RHBDD1: variants seen among roughly 807,000 people sequenced by gnomAD.
RHBDD1 encodes the protein rhomboid domain containing 1.
A neutral mutation model predicts 36.3 loss-of-function variants in RHBDD1; 38 were observed. The ratio of observed to expected loss-of-function variants is 1.05; its 90% CI spans 0.81 to 1.37. RHBDD1 has a LOEUF of 1.37. RHBDD1 is among the 40% of genes most tolerant of loss of function. RHBDD1 has a pLI of 0.00. For synonymous variants in RHBDD1, 151 were observed against 136.5 expected, an observed-to-expected ratio of 1.11 and a Z score of -0.74; for missense variants, 393 against 377.6, an observed-to-expected ratio of 1.04 and a Z score of -0.34.
At chr2:226,811,784 A>G in the RHBDD1 span, among the ~76,000 whole-genome samples, 1 of 152,258 alleles carries the variant, frequency 6.6e-6, no homozygotes, top group Non-Finnish European at 1.5e-5. Context: ...AAGTAGGAGT[A>G]GCCATAAGTC....
chr2:226,921,454 A>G (rs1949308511), intron 8 of RHBDD1, among the ~76,000 whole-genome samples: 1 of 151,956 alleles, frequency 6.6e-6, no homozygotes, highest in Admixed American at 6.6e-5. Context: ...TCTACCTTTT[A>G]GATACAGGCG....
the RHBDD1 span, among the ~76,000 whole-genome samples, chr2:226,822,205 C>G: frequency 6.6e-6 from 1 of 152,226 alleles, no homozygotes; most frequent in Non-Finnish European, 1.5e-5. Context: ...CCTGACTCTT[C>G]TAGTCCCACT....
the RHBDD1 span, among the ~76,000 whole-genome samples, chr2:226,816,634 G>A: frequency 3.5e-4 from 53 of 152,258 alleles, no homozygotes; most frequent in East Asian, 7.7e-3. Context: ...AGTGGCTCAC[G>A]CCTGTAATCC....
At chr2:226,954,112 G>C (rs563930612) in intron 8 of RHBDD1, among the ~76,000 whole-genome samples, 20 of 152,260 alleles carry the variant, frequency 1.3e-4, no homozygotes, top group Admixed American at 1.2e-3. Context: ...TGTGCTGAGA[G>C]GATGGCAAAT....
At chr2:226,953,161 G>A (rs761624501) in intron 8 of RHBDD1, among the ~76,000 whole-genome samples, 1 of 152,110 alleles carries the variant, frequency 6.6e-6, no homozygotes, top group South Asian at 2.1e-4. Flanking sequence ...AATGATTACT[G>A]CTTGTGTTCC....
rs147902814 is a variant in RHBDD1, at chr2:226,935,909, A to G, written c.856+21558A>G. Among the ~76,000 whole-genome samples, 329 of 152,316 alleles carry G rather than the reference A, an allele frequency of 2.2e-3. 1 individual carries two copies. The highest frequency in any genetic ancestry group is 7.3e-3 in the African/African-American group (304 of 41,584). Reference sequence around the variant, plus strand: ...TGATTATACAAGCCTTTATTGGCCCAGTGCAGGCATAATGCAATTGGCAAT... The same window carrying G: ...TGATTATACAAGCCTTTATTGGCCCGGTGCAGGCATAATGCAATTGGCAAT... On this transcript the variant is annotated intron_variant, in intron 8 of 8. Transcript: ENST00000392062.
At chr2:226,804,646 A>G in the RHBDD1 span, 1 of 152,234 alleles carries the variant, frequency 6.6e-6, no homozygotes, top group African/African-American at 2.4e-5. Flanking sequence ...CTAACATGGG[A>G]TTTTGGAAAG....
intron 5 of RHBDD1, among the ~76,000 whole-genome samples, chr2:226,888,245 C>G (rs1451025197): frequency 6.6e-6 from 1 of 152,108 alleles, no homozygotes; most frequent in African/African-American, 2.4e-5. Context: ...GGATCATAAG[C>G]CCTCGACAAA....
rs1008177423 is a variant in RHBDD1, at chr2:226,895,653, C to T, written c.567-11140C>T. On this transcript the variant is annotated intron_variant, in intron 5 of 8. Transcript: ENST00000392062. ...CTTTTATTTAATTTAGGACAACCTG[C>T]CATTTTGTTCTGAAGATTTGAATAG... 12 of 984,844 alleles carry T rather than the reference C, an allele frequency of 1.2e-5. No homozygotes were observed. In the African/African-American group the frequency reaches 2.1e-4, roughly 17 times the overall value. The allele number at this position is 984,844 out of a possible 1,614,324, so 61.0% of individuals were successfully genotyped here.
At chr2:226,941,572 C>A (rs923841104) in intron 8 of RHBDD1, among the ~76,000 whole-genome samples, 4 of 152,190 alleles carry the variant, frequency 2.6e-5, no homozygotes, top group Admixed American at 2.6e-4. Context: ...TCCAAGTAGT[C>A]CCAAGGTGGA....
chr2:226,819,529 C>T, the RHBDD1 span, among the ~76,000 whole-genome samples: 1 of 152,124 alleles, frequency 6.6e-6, no homozygotes, highest in Non-Finnish European at 1.5e-5. Flanking sequence ...TCAATTGTAA[C>T]AAATATACCC....
At chr2:226,964,795 T>G (rs1952498333) in intron 8 of RHBDD1, among the ~76,000 whole-genome samples, 1 of 152,168 alleles carries the variant, frequency 6.6e-6, no homozygotes, top group Non-Finnish European at 1.5e-5. Flanking sequence ...CATCCATTAG[T>G]GAAAGCCACT....
chr2:226,935,496 A>T (rs1026164912), intron 8 of RHBDD1: 2 of 152,118 alleles, frequency 1.3e-5, no homozygotes, highest in African/African-American at 4.8e-5. Context: ...AATTATGTTG[A>T]TGTTCTTTTC....
At chr2:226,894,135 A>G (rs1946900912) in intron 5 of RHBDD1, among the ~76,000 whole-genome samples, 1 of 152,202 alleles carries the variant, frequency 6.6e-6, no homozygotes, top group South Asian at 2.1e-4. Context: ...TACTTGAGTC[A>G]CAAAAAGCCT....
intron 3 of RHBDD1, among the ~76,000 whole-genome samples, chr2:226,840,544 A>T (rs1941500446): frequency 1.3e-5 from 2 of 152,206 alleles, no homozygotes; most frequent in Non-Finnish European, 1.5e-5. Context: ...TGATTCTAGA[A>T]TGTAAGTGGA....
At chr2:226,871,749 A>G (rs1203073683) in intron 5 of RHBDD1, among the ~76,000 whole-genome samples, 1 of 152,216 alleles carries the variant, frequency 6.6e-6, no homozygotes, top group Non-Finnish European at 1.5e-5. Flanking sequence ...AATTAGATTC[A>G]GATTAAACTG....
At position 226,984,111 on chromosome 2, in the gene RHBDD1, C is replaced by T. The variant is rs139018170; in HGVS notation, c.857-11320C>T. Among the ~76,000 whole-genome samples the T allele has an allele frequency of 2.6e-3, 392 of 152,340 alleles. 5 individuals are homozygous for T. The highest frequency in any genetic ancestry group is 8.8e-3 in the African/African-American group (366 of 41,568). ...AAGAAAGATGTGCTTTCTTCTCCAC[C>T]AGAAAGCACATCTGTTCACCGCTCT... On this transcript the variant is annotated intron_variant, in intron 8 of 8. Coordinates refer to ENST00000392062, the MANE Select transcript of RHBDD1 (RefSeq NM_001167608.3).
intron 5 of RHBDD1, among the ~76,000 whole-genome samples, chr2:226,905,014 C>T (rs1056922812): frequency 6.6e-6 from 1 of 152,108 alleles, no homozygotes; most frequent in African/African-American, 2.4e-5. Context: ...TGGCCCTGTC[C>T]TGGGTGTTTG....
At chr2:226,957,162 A>G (rs544402954) in intron 8 of RHBDD1, among the ~76,000 whole-genome samples, 1 of 152,348 alleles carries the variant, frequency 6.6e-6, no homozygotes, top group South Asian at 2.1e-4. Flanking sequence ...AAGCACAAAT[A>G]ACCAAAGGGC....
Sources: allele counts gnomAD v4.1 joint callset (sites outside exome capture counted in the v4.1 genomes callset), GRCh38; gene constraint gnomAD v4.1.1; transcripts MANE v1.5; gene names NCBI Gene and HGNC (gene_info 2026-07-23, HGNC 2026-07-21).